RPP30: variants seen among roughly 807,000 people sequenced by gnomAD.
The protein encoded by RPP30 is ribonuclease P protein subunit p30.
A neutral mutation model predicts 38.6 loss-of-function variants in RPP30; 36 were observed. The ratio of observed to expected loss-of-function variants is 0.93; its 90% confidence interval spans 0.71 to 1.23. RPP30 has a LOEUF of 1.23. RPP30 is among the 50% of genes most tolerant of loss of function. The pLI is 0.00. For missense variants in RPP30, 321 were observed against 321.7 expected (o/e 1.00, Z 0.02); for synonymous variants, 126 against 112.7 (o/e 1.12, Z -0.75).
At chr10:90,874,431 T>C (rs1403128679) in intron 1 of RPP30, among the ~76,000 whole-genome samples, 1 of 152,152 alleles carries the variant, frequency 6.6e-6, no homozygotes, top group Non-Finnish European at 1.5e-5. Context: ...AAAGTGACAG[T>C]GATAAAGTAG....
chr10:90,885,746 C>T, intron 5 of RPP30, 66 bp from the exon 6 acceptor site: 1 of 940,590 alleles, frequency 1.1e-6, no homozygotes, highest in South Asian at 1.3e-5. Flanking sequence ...CGAGTTTGAC[C>T]CTATCTCCCA....
chr10:90,885,599 T>C (rs981913483), intron 5 of RPP30, among the ~76,000 whole-genome samples: 1 of 152,220 alleles, frequency 6.6e-6, no homozygotes, highest in Non-Finnish European at 1.5e-5. Flanking sequence ...TGTGGACATA[T>C]TCCGCTTTTG....
chr10:90,888,631 A>G (rs915573482), intron 6 of RPP30, among the ~76,000 whole-genome samples: 5 of 152,142 alleles, frequency 3.3e-5, no homozygotes, highest in African/African-American at 1.2e-4. Context: ...TTCATCAGGA[A>G]GTATATGCCG....
intron 10 of RPP30, 91 bp downstream of exon 10, chr10:90,896,483 G>A: frequency 2.1e-6 from 2 of 960,434 alleles, no homozygotes; most frequent in Non-Finnish European, 3.3e-6. Context: ...CTACCCTACA[G>A]AGTTCCTTTG....
intron 5 of RPP30, among the ~76,000 whole-genome samples, chr10:90,885,444 T>C (rs555012271): frequency 6.6e-6 from 1 of 152,232 alleles, no homozygotes; most frequent in East Asian, 1.9e-4. Context: ...GCTTATTTTT[T>C]CCTTGGGTTT....
chr10:90,889,570 G>C (rs1490846462), intron 6 of RPP30, among the ~76,000 whole-genome samples: 1 of 151,916 alleles, frequency 6.6e-6, no homozygotes, highest in African/African-American at 2.4e-5. Flanking sequence ...GCCTCGGCCA[G>C]GATACTTTAA....
intron 7 of RPP30, 121 bp from the exon 8 acceptor site, chr10:90,895,333 C>T: frequency 1.7e-6 from 1 of 601,534 alleles, no homozygotes. Flanking sequence ...TTTACCTTAT[C>T]TTTAAAAGAA....
intron 6 of RPP30, among the ~76,000 whole-genome samples, chr10:90,890,974 A>C (rs975554375): frequency 1.3e-5 from 2 of 152,190 alleles, no homozygotes; most frequent in African/African-American, 2.4e-5. Flanking sequence ...GTGATTAGAG[A>C]TACACTCTGT....
chr10:90,875,997 T>A (rs1263321734), intron 3 of RPP30, 27 bp from the exon 4 acceptor site: 15 of 1,285,848 alleles, frequency 1.2e-5, no homozygotes, highest in Non-Finnish European at 1.7e-5. Flanking sequence ...TTTTGTGCTT[T>A]TTTGACATCA....
At chr10:90,905,217 G>C (rs1206645649), downstream of RPP30, 1 of 151,954 alleles carries the variant, frequency 6.6e-6, no homozygotes, top group Non-Finnish European at 1.5e-5. Context: ...AGCATCCATA[G>C]AGATCCCCAT....
chr10:90,896,767 T>C (rs1337827992), intron 10 of RPP30, among the ~76,000 whole-genome samples: 1 of 152,170 alleles, frequency 6.6e-6, no homozygotes, highest in African/African-American at 2.4e-5. Context: ...TGTTAAACTA[T>C]TTATTAGGAA....
Position 90,901,328 on chromosome 10 carries a change from A to G in RPP30, c.*649A>G, listed in dbSNP as rs1028939019. 2 of 984,834 alleles carry G rather than the reference A, an allele frequency of 2.0e-6. No homozygotes were observed. Among genetic ancestry groups the G allele is most frequent in the Non-Finnish European group, 2.4e-6 (2 of 829,486 alleles). The allele number at this position is 984,834 out of a possible 1,614,324, so 61.0% of individuals were successfully genotyped here. On this transcript the variant is annotated 3_prime_UTR_variant, in exon 11 of 11. Coordinates refer to ENST00000371703, the MANE Select transcript of RPP30 (RefSeq NM_006413.5). ...AGCTTCTTTCGAAAGTTTCTTGTTC[A>G]TACTCAAATAGTAGTTATTTTGAAG...
At chr10:90,889,599 T>C (rs1446960597) in intron 6 of RPP30, among the ~76,000 whole-genome samples, 2 of 152,130 alleles carry the variant, frequency 1.3e-5, no homozygotes, top group Non-Finnish European at 2.9e-5. Context: ...CAGATCTTAA[T>C]TTTGTCACGA....
chr10:90,874,202 T>C (rs1259734508), intron 1 of RPP30, among the ~76,000 whole-genome samples: 1 of 152,216 alleles, frequency 6.6e-6, no homozygotes, highest in African/African-American at 2.4e-5. Context: ...AGTCATGATT[T>C]AGATTTTTTT....
chr10:90,880,235 T>C lies in RPP30; in HGVS notation c.342+1101T>C, dbSNP rs1438839395. 4 of 152,102 alleles carry C rather than the reference T, an allele frequency of 2.6e-5. No individual in the cohort carries two copies. The East Asian group carries it at 7.7e-4, about 29-fold the overall frequency. The allele number at this position is 152,102 out of a possible 1,614,324, so 9.4% of individuals were successfully genotyped here. A position where few individuals can be genotyped will look rare whatever the true frequency, so the allele number is the denominator to read the frequency against. On this transcript the variant is annotated intron_variant, in intron 5 of 10. Coordinates refer to ENST00000371703, the MANE Select transcript of RPP30 (RefSeq NM_006413.5). ...TTTTTTTTTTTTTAAGCAAAATTCA[T>C]TCTAAAATTGCAGAAAGATGTTTTT... is the stretch of plus-strand genomic sequence containing the variant.
intron 5 of RPP30, among the ~76,000 whole-genome samples, chr10:90,884,691 T>C (rs1011691019): frequency 1.3e-5 from 2 of 152,042 alleles, no homozygotes; most frequent in Admixed American, 1.3e-4. Context: ...GGGGTTGGAG[T>C]AGGAGTGACT....
At chr10:90,877,488 A>G (rs1286016554) in intron 4 of RPP30, among the ~76,000 whole-genome samples, 1 of 152,082 alleles carries the variant, frequency 6.6e-6, no homozygotes, top group Non-Finnish European at 1.5e-5. Context: ...ATGGTATGAA[A>G]GAGGATGAGC....
chr10:90,907,195 A>T (rs182709117), downstream of RPP30, among the ~76,000 whole-genome samples: 1 of 152,338 alleles, frequency 6.6e-6, no homozygotes, highest in African/African-American at 2.4e-5. Context: ...TGGTGGTAAC[A>T]CGTTGAAGTT....
At chr10:90,891,275 A>G (rs1847078716) in intron 6 of RPP30, among the ~76,000 whole-genome samples, 1 of 152,146 alleles carries the variant, frequency 6.6e-6, no homozygotes, top group African/African-American at 2.4e-5. Flanking sequence ...CTGGGCTTGC[A>G]GCTACGTAAC....
Sources: allele counts gnomAD v4.1 joint callset (sites outside exome capture counted in the v4.1 genomes callset), GRCh38; gene constraint gnomAD v4.1.1; transcripts MANE v1.5; gene names NCBI Gene and HGNC (gene_info 2026-07-23, HGNC 2026-07-21).